The following PIK3R4 variants were observed in gnomAD, a reference collection of about 807,000 sequenced individuals.
PIK3R4 encodes the protein phosphoinositide 3-kinase regulatory subunit 4.
A neutral mutation model predicts 136.5 loss-of-function variants in PIK3R4; 46 were observed. That is an observed-to-expected ratio of 0.34 (90% CI 0.27 to 0.43). PIK3R4 has a LOEUF of 0.43. Ranked by LOEUF, PIK3R4 falls within the 20% of genes least tolerant of loss-of-function variation. The pLI is 1.00. For synonymous variants in PIK3R4, 557 were observed against 566.7 expected (o/e 0.98, Z 0.24); for missense variants, 1,331 against 1,649.5 (o/e 0.81, Z 3.35).
intron 12 of PIK3R4, 145 bp downstream of exon 12, chr3:130,705,412 TCTTA>T: frequency 4.9e-6 from 3 of 613,026 alleles, no homozygotes; most frequent in Non-Finnish European, 8.7e-6. Context: ...TGACAAGATT[TCTTA>T]CTTACTGCTT....
intron 2 of PIK3R4, among the ~76,000 whole-genome samples, chr3:130,742,150 T>C (rs2066827380): frequency 6.6e-6 from 1 of 152,152 alleles, no homozygotes; most frequent in Non-Finnish European, 1.5e-5. Flanking sequence ...GAGGGGAAAG[T>C]AGCACTCAAA....
intron 13 of PIK3R4, among the ~76,000 whole-genome samples, chr3:130,695,734 T>C (rs2107603957): frequency 6.6e-6 from 1 of 152,278 alleles, no homozygotes; most frequent in South Asian, 2.1e-4. Context: ...CTGTGCCTAA[T>C]TTATAAACTA....
chr3:130,703,763 A>G lies in PIK3R4; in HGVS notation c.3058T>C (p.Trp1020Arg), dbSNP rs755682895. The change falls in exon 13 of 20, where the codon TGG (tryptophan) becomes CGG (arginine). Residue 1020 changes from tryptophan to arginine, a missense_variant. By Grantham distance (101) the Trp-to-Arg change is moderately radical. This residue lies in a region of PIK3R4 where 1,180 missense variants were observed against 1,407.0 expected (regional missense o/e 0.84). Transcript: ENST00000356763. ...TCSNDGTVKIWNSQKMEGKTT... is the reference protein window; with the variant it reads ...TCSNDGTVKIRNSQKMEGKTT... ...TTCCCCTCCATCTTTTGACTGTTCC[A>G]GATTTTCACTGTGCCATCATTTGAA... 1 of 1,613,654 alleles carries G rather than the reference A, an allele frequency of 6.2e-7. No homozygotes were observed. Among genetic ancestry groups the G allele is most frequent in the Non-Finnish European group, 8.5e-7 (1 of 1,179,562 alleles).
At chr3:130,680,566 C>A (rs2066451625) in intron 19 of PIK3R4, 47 bp downstream of exon 19, 4 of 996,042 alleles carry the variant, frequency 4.0e-6, no homozygotes, top group South Asian at 1.5e-5. Flanking sequence ...TTACAAAAGC[C>A]ATGTTTGTGC....
Position 130,744,998 on chromosome 3 carries a change from AG to A in PIK3R4, c.220del (p.Leu74Ter). ...CTGTGCAGAATTAAGCCTGATTTTC[AG>A]TTCCTCCAGCTCTTGTTTATAGCTG... ...LTSYKQELEE[L>X]KIRLNSAQNC... On this transcript the variant is annotated frameshift_variant, in exon 2 of 20. Transcript: ENST00000356763. LOFTEE classifies it high-confidence loss of function. The A allele has an allele frequency of 6.2e-7, 1 of 1,613,958 alleles. No homozygotes were observed. Among genetic ancestry groups the A allele is most frequent in the Non-Finnish European group, 8.5e-7 (1 of 1,180,002 alleles).
chr3:130,681,431 T>C (rs141347959), intron 17 of PIK3R4, 60 bp downstream of exon 17: 4 of 1,118,658 alleles, frequency 3.6e-6, no homozygotes, highest in Admixed American at 3.6e-5. Flanking sequence ...ATTAAATGCC[T>C]GAAAGTACTT....
chr3:130,735,956 A>G lies in PIK3R4; in HGVS notation c.780T>C (p.Asp260=), dbSNP rs1300985307. The G allele has an allele frequency of 6.2e-7, 1 of 1,612,318 alleles. No homozygotes were observed. Among genetic ancestry groups the G allele is most frequent in the Non-Finnish European group, 8.5e-7 (1 of 1,179,064 alleles). The change falls in exon 3 of 20, where the codon GAT becomes GAC. Residue 260 remains aspartate (D), a synonymous_variant. Transcript: ENST00000356763. ...TTCTATAAGCCAAAAGTTGAGAGAG[A>G]TCAAATAATGGTACACCTTCTGTAA... ...ELFTEGVPLF[D]LSQLLAYRNG...
Position 130,730,451 on chromosome 3 carries a change from T to C in PIK3R4, c.1451-9A>G. 6.5e-7 allele frequency: 1 copy of C among 1,549,588 alleles called. No individual in the cohort carries two copies. The highest frequency in any genetic ancestry group is 8.7e-7 in the Non-Finnish European group (1 of 1,154,228). Reference sequence around the variant, plus strand: ...CAGCAGAGCTATGTTTTCTATAAAATAAAAAGGAAGAAAATTTATAATTAC... The same window carrying C: ...CAGCAGAGCTATGTTTTCTATAAAACAAAAAGGAAGAAAATTTATAATTAC... On this transcript the variant is annotated splice_polypyrimidine_tract_variant and intron_variant, in intron 4 of 19. Transcript: ENST00000356763.
At position 130,686,360 on chromosome 3, in the gene PIK3R4, T is replaced by C. The variant is rs771418807; in HGVS notation, c.3326A>G (p.Gln1109Arg). The C allele has an allele frequency of 8.1e-6, 13 of 1,613,634 alleles. No individual in the cohort carries two copies. The South Asian group carries it at 1.1e-4, about 14-fold the overall frequency. ...CACAGTGGCATAGGCAAGAACAGAC[T>C]GTGCTCCAGAGTTGAAGTGATGCAT... Reference protein sequence around the residue: ...VDMHHFNSGAQSVLAYATVNG... With the variant: ...VDMHHFNSGARSVLAYATVNG... Residue 1109 changes from glutamine to arginine, a missense_variant, in exon 15 of 20, where the codon CAG becomes CGG. Gln to Arg is a conservative substitution (Grantham distance 43). Around this residue, in one of 2 missense-constraint regions of PIK3R4, gnomAD observed 1,180 missense variants for 1,407.0 expected, o/e 0.84. Coordinates refer to ENST00000356763, the MANE Select transcript of PIK3R4 (RefSeq NM_014602.3).
At chr3:130,683,766 A>T (rs2066473220) in intron 16 of PIK3R4, among the ~76,000 whole-genome samples, 1 of 152,172 alleles carries the variant, frequency 6.6e-6, no homozygotes, top group Non-Finnish European at 1.5e-5. Flanking sequence ...CTACAAGGTA[A>T]GTATTTTTAA....
intron 4 of PIK3R4, among the ~76,000 whole-genome samples, chr3:130,732,535 T>C (rs1278350226): frequency 1.3e-5 from 2 of 152,198 alleles, no homozygotes; most frequent in South Asian, 4.1e-4. Flanking sequence ...AATGATAAAC[T>C]TTGATGTGTC....
intron 2 of PIK3R4, among the ~76,000 whole-genome samples, chr3:130,737,172 T>C (rs968204578): frequency 6.6e-6 from 1 of 152,208 alleles, no homozygotes; most frequent in African/African-American, 2.4e-5. Flanking sequence ...CAAATGTCAC[T>C]CAGCAGTAAT....
At chr3:130,737,979 TTC>T (rs1301333638) in intron 2 of PIK3R4, among the ~76,000 whole-genome samples, 2 of 152,246 alleles carry the variant, frequency 1.3e-5, no homozygotes, top group African/African-American at 2.4e-5. Context: ...TCTATGTTTC[TTC>T]TTGTCTACAT....
At chr3:130,688,762 T>C (rs17748924) in intron 14 of PIK3R4, among the ~76,000 whole-genome samples, 29,936 of 152,178 alleles carry the variant, frequency 0.2, 3,173 homozygotes, top group South Asian at 0.35. Context: ...ACAGGCAGTT[T>C]TAGTTTTATC....
Position 130,703,745 on chromosome 3 carries a change from C to G in PIK3R4, c.3076G>C (p.Glu1026Gln). 1 of 1,613,048 alleles carries G rather than the reference C, an allele frequency of 6.2e-7. No homozygotes were observed. The change falls in exon 13 of 20, where the codon GAG becomes CAG. Residue 1026 changes from glutamate (E) to glutamine (Q), a missense_variant. Around this residue, in one of 2 missense-constraint regions of PIK3R4, gnomAD observed 1,180 missense variants for 1,407.0 expected, o/e 0.84. Transcript: ENST00000356763. The stretch of plus-strand genomic sequence containing the variant: ...TACCTGGTAGTGGTGGTCTTCCCCT[C>G]CATCTTTTGACTGTTCCAGATTTTC... ...TVKIWNSQKMEGKTTTTRSIL... is the reference protein window; with the variant it reads ...TVKIWNSQKMQGKTTTTRSIL...
chr3:130,700,950 AACCATACAG>A (rs1316223151), intron 13 of PIK3R4, among the ~76,000 whole-genome samples: 4 of 152,228 alleles, frequency 2.6e-5, no homozygotes, highest in Non-Finnish European at 5.9e-5. Context: ...CCAGTCTCCT[AACCATACAG>A]ACTTCCCAAA....
At chr3:130,715,512 TG>T (rs1178609338) in intron 9 of PIK3R4, among the ~76,000 whole-genome samples, 1 of 152,112 alleles carries the variant, frequency 6.6e-6, no homozygotes, top group Non-Finnish European at 1.5e-5. Flanking sequence ...TGATCATGAG[TG>T]ATGTTAAGCT....
At chr3:130,722,203 G>C (rs1056628652) in intron 7 of PIK3R4, among the ~76,000 whole-genome samples, 13 of 152,076 alleles carry the variant, frequency 8.5e-5, no homozygotes, top group African/African-American at 2.4e-4. Context: ...CTGTTTACTT[G>C]ATTTTTCTTG....
intron 3 of PIK3R4, 45 bp from the exon 4 acceptor site, chr3:130,734,175 A>G: frequency 1.4e-6 from 2 of 1,479,562 alleles, no homozygotes; most frequent in Non-Finnish European, 1.8e-6. Context: ...TTGAGAATAG[A>G]AAAGTAAACC....
Sources: gnomAD v4.1 joint callset for allele counts (sites outside exome capture counted in the v4.1 genomes callset) on GRCh38, gnomAD v4.1.1 for gene constraint, gnomAD v4.1.1 regional missense constraint, MANE v1.5 for transcripts, NCBI Gene and HGNC (gene_info 2026-07-23, HGNC 2026-07-21) for gene names.